Variants in COL25A1 observed in about 807,000 individuals in gnomAD.
COL25A1 encodes collagen alpha-1(XXV) chain.
Under a neutral mutation model 128.4 loss-of-function variants are expected in COL25A1, and 103 were observed. The observed-to-expected ratio is 0.80, with a 90% CI of 0.68 to 0.94. The LOEUF (loss-of-function observed/expected upper bound fraction) is 0.94, where lower values mean the gene tolerates loss of function less well. Among genes scored for constraint, COL25A1 ranks in the 40% least tolerant of loss-of-function variants. COL25A1 has a pLI of 0.00. For missense variants in COL25A1, 745 were observed against 840.0 expected (o/e 0.89, Z 1.40); for synonymous variants, 279 against 277.2 (o/e 1.01, Z -0.06).
intron 3 of COL25A1, among the ~76,000 whole-genome samples, chr4:109,218,115 T>C (rs1028145158): frequency 1.3e-5 from 2 of 152,210 alleles, no homozygotes; most frequent in Non-Finnish European, 2.9e-5. Context: ...GGCTCACTTA[T>C]AGACATTACT....
chr4:108,977,940 T>A (rs568984815), intron 6 of COL25A1, among the ~76,000 whole-genome samples: 11 of 152,332 alleles, frequency 7.2e-5, no homozygotes, highest in African/African-American at 2.4e-4. Context: ...ACAGGCCACA[T>A]CTCCCATTGT....
intron 3 of COL25A1, among the ~76,000 whole-genome samples, chr4:109,081,001 T>C (rs72885114): frequency 0.015 from 2,269 of 152,248 alleles, 51 homozygotes; most frequent in African/African-American, 0.052. Flanking sequence ...TAACAAAAAG[T>C]TTCAGAGAAT....
intron 3 of COL25A1, among the ~76,000 whole-genome samples, chr4:109,201,994 T>G (rs537824914): frequency 2.2e-4 from 33 of 152,244 alleles, no homozygotes; most frequent in Non-Finnish European, 3.8e-4. Flanking sequence ...AATGGAGAGA[T>G]ATTTCATGCT....
chr4:108,854,227 T>C (rs1736186998), intron 24 of COL25A1, among the ~76,000 whole-genome samples: 1 of 152,084 alleles, frequency 6.6e-6, no homozygotes, highest in African/African-American at 2.4e-5. Context: ...TCAAAACGGA[T>C]TAAAGATTTA....
At chr4:108,960,802 GA>G (rs755194345) in intron 8 of COL25A1, among the ~76,000 whole-genome samples, 2 of 152,174 alleles carry the variant, frequency 1.3e-5, no homozygotes, top group African/African-American at 4.8e-5. Context: ...AGATTATCTT[GA>G]AAACGTGTGT....
chr4:109,087,090 C>G (rs1461441406), intron 3 of COL25A1, among the ~76,000 whole-genome samples: 2 of 152,106 alleles, frequency 1.3e-5, no homozygotes, highest in African/African-American at 2.4e-5. Context: ...ACCTGCCTAT[C>G]AACCACCCAG....
At chr4:109,070,674 T>C (rs954522589) in intron 3 of COL25A1, among the ~76,000 whole-genome samples, 4 of 146,928 alleles carry the variant, frequency 2.7e-5, no homozygotes, top group Non-Finnish European at 6.0e-5. Flanking sequence ...CTCCTAATGC[T>C]ATCCCTCCCC....
intron 3 of COL25A1, among the ~76,000 whole-genome samples, chr4:109,138,732 G>A (rs952961310): frequency 2.0e-5 from 3 of 151,432 alleles, no homozygotes; most frequent in African/African-American, 7.3e-5. Context: ...TTTTGAGACA[G>A]AGTCTTGCTC....
At chr4:109,226,645 A>G (rs1778817691) in intron 3 of COL25A1, among the ~76,000 whole-genome samples, 1 of 152,140 alleles carries the variant, frequency 6.6e-6, no homozygotes, top group African/African-American at 2.4e-5. Flanking sequence ...AAAGTCTAAA[A>G]TCCCTAAAAT....
At chr4:109,190,340 T>C (rs1775499658) in intron 3 of COL25A1, among the ~76,000 whole-genome samples, 1 of 151,860 alleles carries the variant, frequency 6.6e-6, no homozygotes, top group African/African-American at 2.4e-5. Context: ...CAGAAACATA[T>C]TGACAAATAT....
chr4:108,918,622 TAAC>T (rs150410000), intron 12 of COL25A1, among the ~76,000 whole-genome samples: 1 of 152,338 alleles, frequency 6.6e-6, no homozygotes, highest in African/African-American at 2.4e-5. Context: ...GTAATTAAAA[TAAC>T]AACCATTTGT....
At chr4:109,277,329 A>C (rs1450522939) in intron 3 of COL25A1, among the ~76,000 whole-genome samples, 3 of 152,286 alleles carry the variant, frequency 2.0e-5, no homozygotes, top group African/African-American at 7.2e-5. Context: ...TATTATCCAT[A>C]TATTCATACT....
intron 3 of COL25A1, among the ~76,000 whole-genome samples, chr4:109,185,959 A>G (rs1775093958): frequency 1.3e-5 from 2 of 152,230 alleles, no homozygotes. Flanking sequence ...CTGTTGTTTA[A>G]GCCACCCAGT....
intron 3 of COL25A1, among the ~76,000 whole-genome samples, chr4:109,058,528 AAACT>A (rs1761656449): frequency 2.0e-5 from 3 of 152,228 alleles, no homozygotes; most frequent in South Asian, 4.1e-4. Context: ...TAAAAATGTT[AAACT>A]AACAGAAAAA....
intron 8 of COL25A1, among the ~76,000 whole-genome samples, chr4:108,955,894 G>T (rs1750017905): frequency 6.6e-6 from 1 of 152,098 alleles, no homozygotes; most frequent in African/African-American, 2.4e-5. Context: ...TAAATGCCAA[G>T]AAAAGTGAAG....
chr4:108,878,100 C>G (rs1404589927), intron 19 of COL25A1, among the ~76,000 whole-genome samples: 1 of 152,146 alleles, frequency 6.6e-6, no homozygotes, highest in Non-Finnish European at 1.5e-5. Flanking sequence ...AATTTACCGT[C>G]TGCTAAATGG....
Position 108,940,524 on chromosome 4 carries a change from CA to C in COL25A1, c.672+14del, listed in dbSNP as rs1159517203. ...GCAAAACGTGTGAGAATAAGTGATCCAAAAAGCGACTCACGGGTACTCCTGG... is the reference window on the plus strand; with the variant it reads ...GCAAAACGTGTGAGAATAAGTGATCCAAAAGCGACTCACGGGTACTCCTGG... On this transcript the variant is annotated intron_variant, in intron 10 of 37. Transcript: ENST00000399132. The C allele has an allele frequency of 1.2e-6, 2 of 1,604,810 alleles. No homozygotes were observed. Among genetic ancestry groups the C allele is most frequent in the African/African-American group, 2.7e-5 (2 of 74,670 alleles).
At chr4:108,852,856 C>G in intron 25 of COL25A1, 46 bp downstream of exon 25, 2 of 1,561,556 alleles carry the variant, frequency 1.3e-6, no homozygotes, top group South Asian at 2.3e-5. Flanking sequence ...TGCATCAACA[C>G]CAAATACAAA....
intron 3 of COL25A1, among the ~76,000 whole-genome samples, chr4:109,081,726 CAG>C (rs1168500671): frequency 6.6e-6 from 1 of 151,434 alleles, no homozygotes; most frequent in Non-Finnish European, 1.5e-5. Context: ...TTTTTTGAGA[CAG>C]AGTCTCATTC....
Sources: allele counts gnomAD v4.1 joint callset (sites outside exome capture counted in the v4.1 genomes callset), GRCh38; gene constraint gnomAD v4.1.1; transcripts MANE v1.5; gene names NCBI Gene and HGNC (gene_info 2026-07-23, HGNC 2026-07-21).